ABCC4: variants seen among roughly 807,000 people sequenced by gnomAD.
The protein encoded by ABCC4 is ATP binding cassette subfamily C member 4 (PEL blood group), also known as ATP-binding cassette sub-family C member 4.
A neutral mutation model predicts 168.5 loss-of-function variants in ABCC4; 102 were observed. The ratio of observed to expected loss-of-function variants is 0.61; its 90% CI spans 0.52 to 0.71. The LOEUF is 0.71. Among genes scored for constraint, ABCC4 ranks in the 30% least tolerant of loss-of-function variants. The pLI is 0.00. For missense variants in ABCC4, 1,402 were observed against 1,605.8 expected, an observed-to-expected ratio of 0.87 and a Z score of 2.17; for synonymous variants, 617 against 590.7, an observed-to-expected ratio of 1.04 and a Z score of -0.65.
intron 9 of ABCC4, among the ~76,000 whole-genome samples, chr13:95,191,738 A>G (rs974464307): frequency 2.0e-5 from 3 of 152,206 alleles, no homozygotes; most frequent in African/African-American, 7.2e-5. Context: ...CAACCGGTCA[A>G]CCTGTCCCTT....
intron 29 of ABCC4, among the ~76,000 whole-genome samples, chr13:95,040,000 C>T (rs903463023): frequency 3.9e-5 from 6 of 152,128 alleles, no homozygotes; most frequent in East Asian, 1.9e-4. Flanking sequence ...AAGGGGTGTA[C>T]GGAGAGTCAT....
intron 19 of ABCC4, among the ~76,000 whole-genome samples, chr13:95,126,755 T>TTAAGTACA: frequency 1.2e-4 from 5 of 42,468 alleles, no homozygotes; most frequent in Non-Finnish European, 2.2e-4. Flanking sequence ...ATATATATAT[T>TTAAGTACA]CCAAAATATA....
intron 19 of ABCC4, among the ~76,000 whole-genome samples, chr13:95,131,989 A>C (rs140210564): frequency 8.5e-5 from 13 of 152,264 alleles, no homozygotes; most frequent in Middle Eastern, 3.4e-3. Context: ...TCTAAAAGAG[A>C]TATGCGCACA....
chr13:95,145,491 C>T (rs1425819976), intron 19 of ABCC4, among the ~76,000 whole-genome samples: 1 of 150,942 alleles, frequency 6.6e-6, no homozygotes, highest in Admixed American at 6.6e-5. Flanking sequence ...AAATTAGGTA[C>T]CACATGCCTG....
At chr13:95,272,076 C>T (rs1335191497) in intron 1 of ABCC4, among the ~76,000 whole-genome samples, 1 of 151,278 alleles carries the variant, frequency 6.6e-6, no homozygotes, top group South Asian at 2.1e-4. Flanking sequence ...CGAACTTTCG[C>T]TCTTGTTGCC....
At chr13:95,269,219 G>A in intron 1 of ABCC4, 2 of 448,450 alleles carry the variant, frequency 4.5e-6, no homozygotes, top group Non-Finnish European at 9.0e-6. Context: ...TGGTTGACTA[G>A]AAGTCAGGGT....
At chr13:95,139,841 G>A (rs572715448) in intron 19 of ABCC4, among the ~76,000 whole-genome samples, 1 of 152,318 alleles carries the variant, frequency 6.6e-6, no homozygotes, top group South Asian at 2.1e-4. Context: ...AGTGCTAAAA[G>A]TCTGGGTGGT....
chr13:95,215,028 A>G (rs1450559550), intron 4 of ABCC4, among the ~76,000 whole-genome samples: 1 of 152,228 alleles, frequency 6.6e-6, no homozygotes, highest in Non-Finnish European at 1.5e-5. Context: ...TGTAAAAAAC[A>G]GCGTAAAGAA....
At chr13:95,137,610 G>A (rs971701763) in intron 19 of ABCC4, among the ~76,000 whole-genome samples, 4 of 152,080 alleles carry the variant, frequency 2.6e-5, no homozygotes, top group Non-Finnish European at 4.4e-5. Flanking sequence ...AGGCACCTGC[G>A]GGTCAAATGC....
intron 20 of ABCC4, among the ~76,000 whole-genome samples, chr13:95,100,658 C>T (rs1006322645): frequency 7.2e-5 from 11 of 152,164 alleles, no homozygotes; most frequent in African/African-American, 2.2e-4. Flanking sequence ...ATCTCTAGGG[C>T]TGGCATTTTC....
intron 20 of ABCC4, among the ~76,000 whole-genome samples, chr13:95,095,439 A>G (rs1316387916): frequency 6.6e-6 from 1 of 152,202 alleles, no homozygotes; most frequent in Admixed American, 6.5e-5. Context: ...TAACTCAGGA[A>G]TGGAAAACCA....
intron 19 of ABCC4, among the ~76,000 whole-genome samples, chr13:95,136,080 T>C (rs1032498761): frequency 1.3e-5 from 2 of 152,176 alleles, no homozygotes; most frequent in Non-Finnish European, 2.9e-5. Context: ...TAATTTAATA[T>C]AAAATTAAGT....
chr13:95,166,186 A>C lies in ABCC4; in HGVS notation c.2006T>G (p.Leu669Trp). The change falls in exon 15 of 31, where the codon TTG (leucine) becomes TGG (tryptophan). Residue 669 changes from leucine to tryptophan, a missense_variant. Leu to Trp is a moderately conservative substitution (Grantham distance 61). This residue lies in a region of ABCC4 where 1,007 missense variants were observed against 1,127.3 expected (regional missense o/e 0.89). Coordinates refer to ENST00000645237, the MANE Select transcript of ABCC4 (RefSeq NM_005845.5). ...TTGGCTCTCCAGAGCACCATCTTTC[A>C]AGGAGGGTCTAGAAGATTGTTGAGA... The part of the protein sequence containing the change: ...VWSQQSSRPS[L>W]KDGALESQDT... 2 of 1,614,138 alleles carry C rather than the reference A, an allele frequency of 1.2e-6. No homozygotes were observed. The highest frequency in any genetic ancestry group is 1.7e-6 in the Non-Finnish European group (2 of 1,180,000).
intron 29 of ABCC4, among the ~76,000 whole-genome samples, chr13:95,042,372 G>A (rs948405275): frequency 5.9e-5 from 9 of 152,114 alleles, no homozygotes; most frequent in South Asian, 2.1e-4. Flanking sequence ...AGTCTAAGCC[G>A]CCATTGTGCA....
chr13:95,173,437 G>A (rs1426436814), intron 13 of ABCC4, among the ~76,000 whole-genome samples: 6 of 152,204 alleles, frequency 3.9e-5, no homozygotes, highest in South Asian at 2.1e-4. Context: ...AAAGGCAGGA[G>A]GTAGGATCTG....
intron 29 of ABCC4, among the ~76,000 whole-genome samples, chr13:95,036,510 G>C (rs900682054): frequency 6.8e-6 from 1 of 147,666 alleles, no homozygotes; most frequent in African/African-American, 2.6e-5. Context: ...TAAAAAGGCA[G>C]AGCCAGAAAA....
intron 30 of ABCC4, among the ~76,000 whole-genome samples, chr13:95,025,809 C>T (rs1403632821): frequency 6.6e-6 from 1 of 152,094 alleles, no homozygotes; most frequent in Non-Finnish European, 1.5e-5. Flanking sequence ...GCAGAATGAT[C>T]AGGCTGTGCA....
intron 19 of ABCC4, among the ~76,000 whole-genome samples, chr13:95,128,162 C>A (rs1385788160): frequency 6.6e-6 from 1 of 152,178 alleles, no homozygotes; most frequent in Non-Finnish European, 1.5e-5. Flanking sequence ...AATCAGAATA[C>A]ACACTGTTCT....
At chr13:95,191,981 G>A (rs1291298154) in intron 9 of ABCC4, among the ~76,000 whole-genome samples, 1 of 152,180 alleles carries the variant, frequency 6.6e-6, no homozygotes, top group East Asian at 1.9e-4. Context: ...ATTCCCTCTG[G>A]GACCTCCCCA....
Sources: allele counts gnomAD v4.1 joint callset (sites outside exome capture counted in the v4.1 genomes callset), GRCh38; gene constraint gnomAD v4.1.1; regional missense constraint gnomAD v4.1.1; transcripts MANE v1.5; gene names NCBI Gene and HGNC (gene_info 2026-07-23, HGNC 2026-07-21).